Variants in LIMCH1 observed in about 807,000 individuals in gnomAD.
LIMCH1 encodes LIM and calponin homology domains 1, also known as LIM and calponin homology domains-containing protein 1.
LIMCH1 carries 113 observed loss-of-function variants against 176.5 expected under a neutral mutation model. That is an observed-to-expected ratio of 0.64 (90% CI 0.55 to 0.75). The LOEUF is 0.75. LIMCH1 is among the 30% of genes least tolerant of loss of function. The pLI is 0.00. For synonymous variants in LIMCH1, 619 were observed against 645.9 expected (o/e 0.96, Z 0.63); for missense variants, 1,674 against 1,814.9 (o/e 0.92, Z 1.41).
At chr4:41,474,401 C>T (rs1284514270) in intron 1 of LIMCH1, among the ~76,000 whole-genome samples, 1 of 151,500 alleles carries the variant, frequency 6.6e-6, no homozygotes, top group Non-Finnish European at 1.5e-5. Flanking sequence ...GCAGCAGAAT[C>T]GCTTGAACCC....
intron 17 of LIMCH1, among the ~76,000 whole-genome samples, chr4:41,649,711 C>T (rs1308833811): frequency 6.6e-6 from 1 of 152,214 alleles, no homozygotes; most frequent in Admixed American, 6.5e-5. Context: ...TTCCAGATGC[C>T]TTTCAGTAAG....
At chr4:41,546,396 C>G (rs1453596508) in intron 1 of LIMCH1, among the ~76,000 whole-genome samples, 1 of 152,072 alleles carries the variant, frequency 6.6e-6, no homozygotes, top group Admixed American at 6.5e-5. Context: ...CTCTCAGCCT[C>G]CCAAAGTGCT....
intron 31 of LIMCH1, among the ~76,000 whole-genome samples, chr4:41,694,604 C>T (rs1025777035): frequency 1.3e-5 from 2 of 152,072 alleles, no homozygotes; most frequent in African/African-American, 4.8e-5. Context: ...TTTTAAATAG[C>T]GGCATACAAT....
At chr4:41,496,348 G>A (rs138674922) in intron 2 of LIMCH1, among the ~76,000 whole-genome samples, 2 of 152,262 alleles carry the variant, frequency 1.3e-5, no homozygotes, top group Non-Finnish European at 2.9e-5. Context: ...GGAGTCTGAG[G>A]ACTAGGGATC....
At chr4:41,473,289 C>T in intron 1 of LIMCH1, 1 of 568,212 alleles carries the variant, frequency 1.8e-6, no homozygotes. Context: ...ACATCCTGGT[C>T]CCATCACTAC....
intron 1 of LIMCH1, among the ~76,000 whole-genome samples, chr4:41,477,960 A>G (rs1247057406): frequency 6.6e-6 from 1 of 152,186 alleles, no homozygotes; most frequent in Non-Finnish European, 1.5e-5. Flanking sequence ...GTAGATGAAG[A>G]TGTATTTCTG....
chr4:41,694,621 G>GTGTGGACTTATAATTT (rs1216100968), intron 31 of LIMCH1, among the ~76,000 whole-genome samples: 3 of 152,060 alleles, frequency 2.0e-5, no homozygotes, highest in African/African-American at 7.2e-5. Flanking sequence ...CAATCCCATT[G>GTGTGGACTTATAATTT]TGTGGACTTA....
At chr4:41,667,264 A>AT (rs1475638374) in intron 21 of LIMCH1, among the ~76,000 whole-genome samples, 3 of 151,310 alleles carry the variant, frequency 2.0e-5, no homozygotes, top group Non-Finnish European at 4.4e-5. Context: ...AAAAAGCTTT[A>AT]TTTTTTTTTA....
At chr4:41,552,256 C>T (rs532456387) in intron 1 of LIMCH1, among the ~76,000 whole-genome samples, 2 of 152,184 alleles carry the variant, frequency 1.3e-5, no homozygotes, top group Non-Finnish European at 2.9e-5. Flanking sequence ...GGTGGAGACA[C>T]AGCCAAACCA....
At chr4:41,552,367 C>T (rs992002428) in intron 1 of LIMCH1, among the ~76,000 whole-genome samples, 21 of 152,156 alleles carry the variant, frequency 1.4e-4, no homozygotes, top group African/African-American at 5.1e-4. Context: ...TCCTTTATAT[C>T]TCCATATACT....
At chr4:41,399,978 G>A (rs1412081748) in intron 1 of LIMCH1, among the ~76,000 whole-genome samples, 6 of 150,496 alleles carry the variant, frequency 4.0e-5, no homozygotes, top group South Asian at 2.1e-4. Flanking sequence ...CACCGTGCCC[G>A]GCCGAGGTGG....
At chr4:41,378,213 G>A (rs2055069541) in intron 1 of LIMCH1, among the ~76,000 whole-genome samples, 1 of 152,172 alleles carries the variant, frequency 6.6e-6, no homozygotes, top group Admixed American at 6.5e-5. Context: ...AGACACACTG[G>A]GTCACATCAG....
chr4:41,634,986 C>G (rs1342947109), intron 13 of LIMCH1, among the ~76,000 whole-genome samples: 1 of 152,136 alleles, frequency 6.6e-6, no homozygotes, highest in Non-Finnish European at 1.5e-5. Flanking sequence ...GGAGGTGAGG[C>G]CTAGAGACTG....
intron 18 of LIMCH1, among the ~76,000 whole-genome samples, chr4:41,658,686 G>A (rs372189170): frequency 2.0e-5 from 3 of 152,236 alleles, no homozygotes; most frequent in African/African-American, 7.2e-5. Flanking sequence ...TTTAACAGAT[G>A]GCGTGTTTTC....
At chr4:41,457,486 CT>C (rs1295006980) in intron 1 of LIMCH1, among the ~76,000 whole-genome samples, 1 of 152,124 alleles carries the variant, frequency 6.6e-6, no homozygotes, top group Admixed American at 6.5e-5. Flanking sequence ...GTTGTAAGTA[CT>C]TTACATAAAT....
At position 41,633,069 on chromosome 4, in the gene LIMCH1, G is replaced by A; in HGVS notation, c.1813G>A (p.Asp605Asn). The A allele has an allele frequency of 6.5e-7, 1 of 1,535,174 alleles. No homozygotes were observed. Among genetic ancestry groups the A allele is most frequent in the Admixed American group, 2.0e-5 (1 of 50,992 alleles). Reference protein sequence around the residue: ...ERLSKAERSEDSSQPLVCPLA... With the variant: ...ERLSKAERSENSSQPLVCPLA... ...GCTGTCAAAGGCAGAAAGATCAGAGGACAGCAGCCAGCCACTGTGAGCATC... is the reference window on the plus strand; with the variant it reads ...GCTGTCAAAGGCAGAAAGATCAGAGAACAGCAGCCAGCCACTGTGAGCATC... The change falls in exon 12 of 32, where the codon GAC becomes AAC. Residue 605 changes from aspartate (D) to asparagine (N), a missense_variant. By Grantham distance (23) the Asp-to-Asn change is conservative (BLOSUM62 1). Coordinates refer to ENST00000503057, the MANE Select transcript of LIMCH1 (RefSeq NM_001330672.2).
At chr4:41,389,898 C>T (rs2057005513) in intron 1 of LIMCH1, among the ~76,000 whole-genome samples, 1 of 152,100 alleles carries the variant, frequency 6.6e-6, no homozygotes, top group African/African-American at 2.4e-5. Flanking sequence ...TTCACCTTCC[C>T]TTCTGGTGTG....
intron 1 of LIMCH1, among the ~76,000 whole-genome samples, chr4:41,397,593 A>G (rs1425596299): frequency 2.0e-5 from 3 of 152,190 alleles, no homozygotes; most frequent in Non-Finnish European, 4.4e-5. Flanking sequence ...TGTTTCATAA[A>G]AGCAGTATGA....
chr4:41,511,830 G>A (rs1287533599), intron 2 of LIMCH1, among the ~76,000 whole-genome samples: 2 of 152,056 alleles, frequency 1.3e-5, no homozygotes, highest in Non-Finnish European at 2.9e-5. Context: ...AATAAAACAT[G>A]GCAGTAAATC....
Sources: gnomAD v4.1 joint callset for allele counts (sites outside exome capture counted in the v4.1 genomes callset) on GRCh38, gnomAD v4.1.1 for gene constraint, MANE v1.5 for transcripts, NCBI Gene and HGNC (gene_info 2026-07-23, HGNC 2026-07-21) for gene names.